The following TSHZ2 variants were observed in gnomAD, a reference collection of about 807,000 sequenced individuals.
The protein encoded by TSHZ2 is teashirt zinc finger homeobox 2, also known as teashirt homolog 2.
A neutral mutation model predicts 74.4 loss-of-function variants in TSHZ2; 21 were observed. The ratio of observed to expected loss-of-function variants is 0.28; its 90% confidence interval spans 0.20 to 0.41. The LOEUF is 0.41. TSHZ2 is among the 10% of genes least tolerant of loss of function. The probability of loss-of-function intolerance (pLI) is 1.00; values close to 1 mark genes in which losing one functional copy is unlikely to be tolerated. For missense variants in TSHZ2, 1,244 were observed against 1,293.5 expected (o/e 0.96, Z 0.59); for synonymous variants, 540 against 515.3 (o/e 1.05, Z -0.65).
chr20:53,232,584 T>C (rs1303517973), intron 1 of TSHZ2, among the ~76,000 whole-genome samples: 1 of 152,192 alleles, frequency 6.6e-6, no homozygotes, highest in East Asian at 1.9e-4. Context: ...GTGTTAAATA[T>C]TGAATTAGCC....
Position 53,442,091 on chromosome 20 carries a change from A to G in TSHZ2, c.*9-45053A>G, listed in dbSNP as rs912791087. Among the ~76,000 whole-genome samples, 5 of 152,256 alleles carry G rather than the reference A, an allele frequency of 3.3e-5. No homozygotes were observed. The South Asian group carries it at 1.0e-3, about 32-fold the overall frequency. On this transcript the variant is annotated intron_variant, in intron 2 of 2. Transcript: ENST00000371497. The stretch of plus-strand genomic sequence containing the variant: ...TGGGGCTTAGCTGGTAAGAAGGAGT[A>G]GATGAGGTTAGAGGAATGAGCAGGA...
intron 1 of TSHZ2, among the ~76,000 whole-genome samples, chr20:53,233,867 A>C (rs1386232013): frequency 2.6e-5 from 4 of 152,216 alleles, no homozygotes; most frequent in Non-Finnish European, 5.9e-5. Context: ...GACCAGAGAC[A>C]TGGAAGGGTG....
intron 1 of TSHZ2, among the ~76,000 whole-genome samples, chr20:52,976,362 G>GA (rs539446457): frequency 4.0e-5 from 6 of 151,330 alleles, no homozygotes; most frequent in Admixed American, 6.6e-5. Flanking sequence ...CTTAGGGCAA[G>GA]AAAAAAAAAG....
intron 1 of TSHZ2, among the ~76,000 whole-genome samples, chr20:53,080,295 A>G (rs1431304261): frequency 6.6e-6 from 1 of 152,174 alleles, no homozygotes; most frequent in Non-Finnish European, 1.5e-5. Flanking sequence ...CTTCTTACAG[A>G]GTAGTTTTCA....
intron 1 of TSHZ2, among the ~76,000 whole-genome samples, chr20:52,993,365 C>T (rs1054018215): frequency 1.3e-5 from 2 of 152,164 alleles, no homozygotes; most frequent in African/African-American, 2.4e-5. Flanking sequence ...CCTGTTAGTA[C>T]TCTTAGCAGA....
Position 53,080,158 on chromosome 20 carries a change from T to C in TSHZ2, c.40+106825T>C, listed in dbSNP as rs915301305. Among the ~76,000 whole-genome samples, 4 of 152,328 alleles carry C rather than the reference T, an allele frequency of 2.6e-5. 1 individual carries two copies. The South Asian group carries it at 8.3e-4, about 32-fold the overall frequency. Reference sequence around the variant, plus strand: ...GGTACCAGACGCATAGAGAGCCTTATGTATGTGTTTCCCATTAATTCTTAC... The same window carrying C: ...GGTACCAGACGCATAGAGAGCCTTACGTATGTGTTTCCCATTAATTCTTAC... On this transcript the variant is annotated intron_variant, in intron 1 of 2. Transcript: ENST00000371497.
intron 1 of TSHZ2, among the ~76,000 whole-genome samples, chr20:53,152,541 G>T (rs1235519453): frequency 6.6e-6 from 1 of 152,158 alleles, no homozygotes; most frequent in Non-Finnish European, 1.5e-5. Context: ...CAGACCAGGG[G>T]TGGCCAATCA....
At chr20:53,206,133 C>T (rs1465306498) in intron 1 of TSHZ2, among the ~76,000 whole-genome samples, 3 of 152,168 alleles carry the variant, frequency 2.0e-5, no homozygotes, top group Non-Finnish European at 1.5e-5. Context: ...GCAGGAGAAT[C>T]GTTTGAACCT....
intron 2 of TSHZ2, among the ~76,000 whole-genome samples, chr20:53,454,447 A>C (rs112110139): frequency 2.4e-4 from 36 of 152,164 alleles, no homozygotes; most frequent in African/African-American, 8.4e-4. Flanking sequence ...CTGTAGTCCC[A>C]GCTACTCGGG....
chr20:53,149,343 C>T (rs919832432), intron 1 of TSHZ2, among the ~76,000 whole-genome samples: 7 of 152,008 alleles, frequency 4.6e-5, no homozygotes, highest in Non-Finnish European at 7.4e-5. Flanking sequence ...TGGAAGGGCT[C>T]AGTGTCTGCC....
At chr20:53,339,102 C>G (rs1980074809) in intron 2 of TSHZ2, among the ~76,000 whole-genome samples, 1 of 152,184 alleles carries the variant, frequency 6.6e-6, no homozygotes. Flanking sequence ...ACACCTGTAA[C>G]AGTTAAATAC....
intron 1 of TSHZ2, among the ~76,000 whole-genome samples, chr20:53,095,976 ACTCT>A (rs1241734951): frequency 6.6e-6 from 1 of 152,080 alleles, no homozygotes; most frequent in Admixed American, 6.5e-5. Context: ...CCTTCATTTT[ACTCT>A]CTTTCTCCAA....
chr20:53,406,010 CT>C (rs570045146), intron 2 of TSHZ2, among the ~76,000 whole-genome samples: 10 of 151,756 alleles, frequency 6.6e-5, no homozygotes, highest in South Asian at 4.2e-4. Flanking sequence ...AAAATAAATA[CT>C]TTTTTTTAAA....
At chr20:53,145,607 C>T (rs1414190834) in intron 1 of TSHZ2, among the ~76,000 whole-genome samples, 10 of 152,162 alleles carry the variant, frequency 6.6e-5, no homozygotes, top group African/African-American at 2.2e-4. Context: ...GAGTGTAGAA[C>T]ACACACCTCA....
At chr20:53,400,940 T>C (rs1341448431) in intron 2 of TSHZ2, among the ~76,000 whole-genome samples, 1 of 152,224 alleles carries the variant, frequency 6.6e-6, no homozygotes, top group Non-Finnish European at 1.5e-5. Context: ...ACATCTCTCA[T>C]GTTTAAGCTA....
At chr20:53,371,086 C>T (rs760328786) in intron 2 of TSHZ2, among the ~76,000 whole-genome samples, 1 of 152,164 alleles carries the variant, frequency 6.6e-6, no homozygotes, top group Admixed American at 6.5e-5. Context: ...TCTCCGTCCT[C>T]TCTTCTTATA....
intron 2 of TSHZ2, among the ~76,000 whole-genome samples, chr20:53,371,372 G>A (rs1375965206): frequency 6.6e-6 from 1 of 152,240 alleles, no homozygotes; most frequent in African/African-American, 2.4e-5. Context: ...AGTGAATGAT[G>A]AATGTGAGAG....
intron 1 of TSHZ2, among the ~76,000 whole-genome samples, chr20:53,048,316 G>A (rs1984303080): frequency 6.6e-6 from 1 of 151,276 alleles, no homozygotes; most frequent in African/African-American, 2.5e-5. Flanking sequence ...GGAGGAGAGA[G>A]AGAGAGAGAG....
intron 2 of TSHZ2, among the ~76,000 whole-genome samples, chr20:53,448,992 T>C (rs1172417484): frequency 6.6e-6 from 1 of 152,154 alleles, no homozygotes; most frequent in Non-Finnish European, 1.5e-5. Context: ...AAAAAAAAGA[T>C]GTATATAATC....
Sources: allele counts gnomAD v4.1 joint callset (sites outside exome capture counted in the v4.1 genomes callset), GRCh38; gene constraint gnomAD v4.1.1; transcripts MANE v1.5; gene names NCBI Gene and HGNC (gene_info 2026-07-23, HGNC 2026-07-21).